Variants in MPRIP observed in about 807,000 individuals in gnomAD.
The protein encoded by MPRIP is myosin phosphatase Rho-interacting protein.
MPRIP carries 59 observed loss-of-function variants against 234.9 expected under a neutral mutation model. The observed-to-expected ratio is 0.25, with a 90% CI of 0.20 to 0.31. The LOEUF (loss-of-function observed/expected upper bound fraction) is 0.31. MPRIP is among the 10% of genes least tolerant of loss of function. MPRIP has a pLI of 1.00. For missense variants in MPRIP, 2,436 were observed against 3,071.0 expected, an observed-to-expected ratio of 0.79 and a Z score of 4.89; for synonymous variants, 1,144 against 1,263.9, an observed-to-expected ratio of 0.91 and a Z score of 2.01.
chr17:17,147,519 CT>C (rs1230220605), intron 11 of MPRIP, 132 bp downstream of exon 11: 1 of 844,042 alleles, frequency 1.2e-6, no homozygotes, highest in African/African-American at 1.7e-5. Flanking sequence ...GTGGTGTTAC[CT>C]TGCCGAAGGT....
chr17:17,163,938 A>AG (rs1379591702), intron 15 of MPRIP, among the ~76,000 whole-genome samples, 171 bp from the exon 16 acceptor site: 1 of 151,958 alleles, frequency 6.6e-6, no homozygotes, highest in East Asian at 1.9e-4. Context: ...TAAAAAAAAA[A>AG]AAAAAGAAAA....
intron 3 of MPRIP, among the ~76,000 whole-genome samples, chr17:17,091,260 A>G (rs890715646): frequency 5.9e-5 from 9 of 151,868 alleles, no homozygotes; most frequent in Admixed American, 2.6e-4. Flanking sequence ...GGGCCATGAG[A>G]ACGGTAGGTG....
chr17:17,094,579 A>G (rs1183405005), intron 3 of MPRIP, among the ~76,000 whole-genome samples: 3 of 142,334 alleles, frequency 2.1e-5, no homozygotes, highest in African/African-American at 5.2e-5. Context: ...TCCTCTGGTA[A>G]TTTCTTTCTT....
rs563696385 is a variant in MPRIP, at chr17:17,166,403, G to A, written c.4812G>A (p.Pro1604=). Residue 1604 remains proline (P), a synonymous_variant, in exon 16 of 24, where the codon CCG becomes CCA. Transcript: ENST00000651222. The surrounding 1 kb of genome is among the most constrained non-coding windows in gnomAD (Gnocchi z 4.4). ...AGATTTCTTGGTCAGGACAGCCACC[G>A]ATGGAATCTGCTGGGGCCCCCGTAG... ...LHEISWSGQP[P]MESAGAPVDT... 1,847 of 1,304,498 alleles carry A rather than the reference G, an allele frequency of 1.4e-3. 3 individuals carry two copies. Among genetic ancestry groups the A allele is most frequent in the Middle Eastern group, 1.9e-3 (9 of 4,700 alleles). 80.8% of individuals were successfully genotyped at this position (1,304,498 alleles called of 1,614,324 possible). A position where few individuals can be genotyped will look rare whatever the true frequency, so the allele number is the denominator to read the frequency against.
intron 1 of MPRIP, chr17:17,057,848 A>C: frequency 1.7e-6 from 1 of 601,940 alleles, no homozygotes; most frequent in Middle Eastern, 2.9e-4. Context: ...TAATACTTGC[A>C]GTAATATTTT....
At chr17:17,091,067 G>T (rs1465623483) in intron 3 of MPRIP, among the ~76,000 whole-genome samples, 2 of 151,244 alleles carry the variant, frequency 1.3e-5, no homozygotes, top group African/African-American at 4.9e-5. Context: ...CCCCAAGACA[G>T]CTGAGGTTTG....
At chr17:17,064,282 A>G (rs1597736346) in intron 1 of MPRIP, among the ~76,000 whole-genome samples, 2 of 150,928 alleles carry the variant, frequency 1.3e-5, no homozygotes, top group African/African-American at 4.9e-5. Flanking sequence ...GCTCACTGCA[A>G]CCTCCGCTTC....
chr17:17,043,075 A>C, intron 1 of MPRIP, 104 bp downstream of exon 1: 2 of 1,137,296 alleles, frequency 1.8e-6, no homozygotes, highest in Non-Finnish European at 2.5e-6. Flanking sequence ...GAGCAGGGAA[A>C]TGCGCGAGTC....
At chr17:17,157,184 T>A (rs1399541768) in intron 13 of MPRIP, among the ~76,000 whole-genome samples, 1 of 152,230 alleles carries the variant, frequency 6.6e-6, no homozygotes, top group Non-Finnish European at 1.5e-5. Context: ...ATCAGCAATG[T>A]CCCTGTCCCT....
At position 17,187,338 on chromosome 17, in the gene MPRIP, A is replaced by G. The variant is rs1441488212; in HGVS notation, c.*2444A>G. 1 of 152,242 alleles carries G rather than the reference A, an allele frequency of 6.6e-6. No homozygotes were observed. Among genetic ancestry groups the G allele is most frequent in the Non-Finnish European group, 1.5e-5 (1 of 68,066 alleles). The allele number at this position is 152,242 out of a possible 1,614,324, so 9.4% of individuals were successfully genotyped here. On this transcript the variant is annotated 3_prime_UTR_variant, in exon 24 of 24. Transcript: ENST00000651222. Reference sequence around the variant, plus strand: ...TCCTCCCTGCCACAGGTCTCTCCCCAGAGGCTGGTTTAGTGTAGGGTATTG... The same window carrying G: ...TCCTCCCTGCCACAGGTCTCTCCCCGGAGGCTGGTTTAGTGTAGGGTATTG...
chr17:17,074,642 T>C (rs770010745), intron 1 of MPRIP, among the ~76,000 whole-genome samples: 3 of 152,242 alleles, frequency 2.0e-5, no homozygotes, highest in Non-Finnish European at 2.9e-5. Flanking sequence ...TCTCTCCTTA[T>C]TTCCTTTCCT....
At position 17,188,012 on chromosome 17, in the gene MPRIP, G is replaced by A. The variant is rs980565017; in HGVS notation, c.*3118G>A. 2 of 152,278 alleles carry A rather than the reference G, an allele frequency of 1.3e-5. No homozygotes were observed. Among genetic ancestry groups the A allele is most frequent in the Non-Finnish European group, 2.9e-5 (2 of 68,060 alleles). 9.4% of individuals were successfully genotyped at this position (152,278 alleles called of 1,614,324 possible). ...ATGGGAAAGCGAGGCAGTTGTGCTC[G>A]TGTGAGTTTCTGCAGGCTTGTGGGT... On this transcript the variant is annotated 3_prime_UTR_variant, in exon 24 of 24. Coordinates refer to ENST00000651222, the MANE Select transcript of MPRIP (RefSeq NM_001364716.4).
intron 16 of MPRIP, chr17:17,168,726 C>A: frequency 2.6e-6 from 1 of 389,552 alleles, no homozygotes; most frequent in Non-Finnish European, 5.2e-6. Flanking sequence ...GATACCTGTG[C>A]CCTTATGTTC....
In MPRIP at chr17:17,146,060, G is replaced by A. The variant is rs1380005873; in HGVS notation, c.1528G>A (p.Gly510Ser). 1 of 1,614,114 alleles carries A rather than the reference G, an allele frequency of 6.2e-7. No individual in the cohort carries two copies. Among genetic ancestry groups the A allele is most frequent in the Non-Finnish European group, 8.5e-7 (1 of 1,180,020 alleles). Reference protein sequence around the residue: ...VTPDLLNFKKGWLTKQYEDGQ... With the variant: ...VTPDLLNFKKSWLTKQYEDGQ... The stretch of plus-strand genomic sequence containing the variant: ...GCCCGACCTGCTGAATTTCAAGAAA[G>A]GCTGGCTGACTAAGCAGTATGAGGA... Residue 510 changes from glycine (G) to serine (S), a missense_variant, in exon 10 of 24, where the codon GGC (glycine) becomes AGC (serine). Physicochemically the swap from Gly to Ser is moderately conservative, Grantham distance 56. Transcript: ENST00000651222.
chr17:17,107,650 C>T (rs2090089185), intron 3 of MPRIP, among the ~76,000 whole-genome samples: 1 of 152,190 alleles, frequency 6.6e-6, no homozygotes, highest in Non-Finnish European at 1.5e-5. Context: ...CCTGCACATC[C>T]CCTGCTAGAG....
chr17:17,120,385 C>G (rs1433324482), intron 3 of MPRIP, among the ~76,000 whole-genome samples: 1 of 152,078 alleles, frequency 6.6e-6, no homozygotes. Flanking sequence ...TATCCTAACC[C>G]AGGAAGGTCA....
intron 4 of MPRIP, among the ~76,000 whole-genome samples, chr17:17,130,272 A>G (rs1167942958): frequency 1.3e-5 from 2 of 151,920 alleles, no homozygotes; most frequent in African/African-American, 4.8e-5. Context: ...CAGCACACCC[A>G]TCCTGAGGCT....
chr17:17,168,174 TC>T, intron 16 of MPRIP: 1 of 322,702 alleles, frequency 3.1e-6, no homozygotes, highest in East Asian at 8.7e-5. Context: ...CACGTAGTCT[TC>T]CCAGCACTTC....
intron 1 of MPRIP, among the ~76,000 whole-genome samples, chr17:17,069,604 A>G (rs193151802): frequency 1.3e-5 from 2 of 151,172 alleles, no homozygotes; most frequent in Non-Finnish European, 3.0e-5. Context: ...TTTACTGGTT[A>G]TAATAAGACG....
Sources: allele counts gnomAD v4.1 joint callset (sites outside exome capture counted in the v4.1 genomes callset), GRCh38; gene constraint gnomAD v4.1.1; non-coding constraint Gnocchi (gnomAD v3.1); transcripts MANE v1.5; gene names NCBI Gene and HGNC (gene_info 2026-07-23, HGNC 2026-07-21).